Variants in IPO11 observed in about 807,000 individuals in gnomAD.
IPO11 encodes importin 11, also known as importin-11.
Under a neutral mutation model 143.2 loss-of-function variants are expected in IPO11, and 66 were observed. That is an observed-to-expected ratio of 0.46 (90% CI 0.38 to 0.57). The LOEUF (loss-of-function observed/expected upper bound fraction) is 0.57, where lower values mean the gene tolerates loss of function less well. IPO11 is among the 20% of genes least tolerant of loss of function. The pLI is 0.00. For synonymous variants in IPO11, 385 were observed against 377.8 expected (o/e 1.02, Z -0.22); for missense variants, 1,026 against 1,141.0 (o/e 0.90, Z 1.45).
chr5:62,494,019 G>A lies in IPO11; in HGVS notation c.1485G>A (p.Arg495=). The A allele has an allele frequency of 3.7e-6, 6 of 1,612,222 alleles. No individual in the cohort carries two copies. The highest frequency in any genetic ancestry group is 5.1e-6 in the Non-Finnish European group (6 of 1,179,020). ...IHNRYKPLRR[R]VIWLIGQWIS... ...TTAGGTATAAGCCATTGCGACGCAG[G>A]GTGATTTGGCTCATCGGTCAGTGGA... The change falls in exon 16 of 30, where the codon AGG becomes AGA. Residue 495 remains arginine (R), a synonymous_variant. Coordinates refer to ENST00000325324, the MANE Select transcript of IPO11 (RefSeq NM_016338.5).
In IPO11 at chr5:62,601,931, G is replaced by A. The variant is rs181613872; in HGVS notation, c.2763+83G>A. 2.4e-5 allele frequency: 19 copies of A among 794,982 alleles called. No homozygotes were observed. The East Asian group carries it at 5.0e-4, about 21-fold the overall frequency. The allele number at this position is 794,982 out of a possible 1,614,324, so 49.2% of individuals were successfully genotyped here. On this transcript the variant is annotated intron_variant, in intron 29 of 29. Coordinates refer to ENST00000325324, the MANE Select transcript of IPO11 (RefSeq NM_016338.5). ...GTTCAGAAATATCTATGGTCTATTTGTCCATCCAGCTATATGTCTATCCAT... is the reference window on the plus strand; with the variant it reads ...GTTCAGAAATATCTATGGTCTATTTATCCATCCAGCTATATGTCTATCCAT...
chr5:62,515,797 C>G (rs1366178749), intron 20 of IPO11, among the ~76,000 whole-genome samples: 1 of 151,950 alleles, frequency 6.6e-6, no homozygotes, highest in Non-Finnish European at 1.5e-5. Flanking sequence ...CCTTGGTGGT[C>G]GGGGCTTTTC....
chr5:62,459,498 T>C (rs1745282932), intron 5 of IPO11, among the ~76,000 whole-genome samples: 1 of 152,086 alleles, frequency 6.6e-6, no homozygotes, highest in South Asian at 2.1e-4. Flanking sequence ...CTTGATACAT[T>C]TTGGTAATTT....
chr5:62,474,546 A>C, intron 8 of IPO11, 82 bp downstream of exon 8: 1 of 958,008 alleles, frequency 1.0e-6, no homozygotes, highest in Non-Finnish European at 1.6e-6. Context: ...GCTAGGATTA[A>C]TGAGGGATTA....
chr5:62,422,207 A>G (rs1441932967), intron 1 of IPO11, among the ~76,000 whole-genome samples: 5 of 151,996 alleles, frequency 3.3e-5, no homozygotes, highest in South Asian at 2.1e-4. Context: ...GCTCACTGCA[A>G]CCTCCACCTC....
In IPO11 at chr5:62,414,240, G is replaced by A. The variant is rs923166234; in HGVS notation, c.-7+1311G>A. 2.0e-5 allele frequency among the ~76,000 whole-genome samples: 3 copies of A among 152,224 alleles called. No individual in the cohort carries two copies. The East Asian group carries it at 5.8e-4, about 29-fold the overall frequency. ...TATATTTGCATTTGGAATCAAACCA[G>A]AATGCAGCATGATCCTTGTAGGCAT... On this transcript the variant is annotated intron_variant, in intron 1 of 29. Coordinates refer to ENST00000325324, the MANE Select transcript of IPO11 (RefSeq NM_016338.5).
At chr5:62,579,452 A>G in intron 27 of IPO11, 3 of 1,550,816 alleles carry the variant, frequency 1.9e-6, no homozygotes, top group Non-Finnish European at 2.6e-6. Context: ...TGTGGATTAC[A>G]GTTTTCTCTG....
In IPO11 at chr5:62,422,260, G is replaced by A. The variant is rs148535030; in HGVS notation, c.-7+9331G>A. Among the ~76,000 whole-genome samples, 671 of 152,182 alleles carry A rather than the reference G, an allele frequency of 4.4e-3. 7 individuals carry two copies. The highest frequency in any genetic ancestry group is 0.016 in the African/African-American group (648 of 41,522). ...TCCTGCCTCAGCCTCCCTAGTAGCT[G>A]GGATTATAGGTGCCCACCACCATGC... is the stretch of plus-strand genomic sequence containing the variant. On this transcript the variant is annotated intron_variant, in intron 1 of 29. Coordinates refer to ENST00000325324, the MANE Select transcript of IPO11 (RefSeq NM_016338.5).
intron 27 of IPO11, among the ~76,000 whole-genome samples, chr5:62,561,509 T>C (rs897740489): frequency 1.3e-5 from 2 of 152,062 alleles, no homozygotes; most frequent in African/African-American, 4.8e-5. Flanking sequence ...ATTTCATTCT[T>C]GTCTGAATTT....
rs755386387 is a variant in IPO11, at chr5:62,451,915, T to C, written c.498T>C (p.Asp166=). The C allele has an allele frequency of 2.7e-5, 43 of 1,612,848 alleles. 1 individual carries two copies. The South Asian group carries it at 4.3e-4, about 16-fold the overall frequency. Reference sequence around the variant, plus strand: ...TGGCATCTAAACGACTTGCTGCTGATAGAAAACTATTTTATGATGTAAGTG... The same window carrying C: ...TGGCATCTAAACGACTTGCTGCTGACAGAAAACTATTTTATGATGTAAGTG... ...KTLASKRLAA[D]RKLFYDLASG... is the part of the protein sequence containing the mutation. Residue 166 remains aspartate, a synonymous_variant, in exon 5 of 30, where the codon GAT becomes GAC. Coordinates refer to ENST00000325324, the MANE Select transcript of IPO11 (RefSeq NM_016338.5).
intron 27 of IPO11, among the ~76,000 whole-genome samples, chr5:62,589,276 C>A (rs1012573859): frequency 3.0e-4 from 46 of 152,154 alleles, no homozygotes; most frequent in African/African-American, 1.0e-3. Context: ...AATTGTCACT[C>A]CCCTTCCTCA....
At chr5:62,474,731 A>G (rs1447291432) in intron 8 of IPO11, among the ~76,000 whole-genome samples, 3 of 152,212 alleles carry the variant, frequency 2.0e-5, no homozygotes, top group Admixed American at 6.5e-5. Flanking sequence ...CCTCATATAC[A>G]GAAGTCCCTC....
chr5:62,429,844 C>T (rs1260549784), intron 1 of IPO11, among the ~76,000 whole-genome samples: 3 of 151,800 alleles, frequency 2.0e-5, no homozygotes, highest in Non-Finnish European at 2.9e-5. Flanking sequence ...AGGCTGGTCT[C>T]GATCTCCTGA....
Position 62,548,127 on chromosome 5 carries a change from A to G in IPO11, c.2251-2240A>G, listed in dbSNP as rs370475641. 1.9e-4 allele frequency among the ~76,000 whole-genome samples: 29 copies of G among 151,740 alleles called. 1 individual carries two copies. The East Asian group carries it at 3.7e-3, about 19-fold the overall frequency. On this transcript the variant is annotated intron_variant, in intron 24 of 29. Transcript: ENST00000325324. ...TTCATCCTCCAAGTAATCAAAATTC[A>G]GTGTTTACGTCATGATTCCTCTATT...
At chr5:62,543,183 G>A (rs1052334225) in intron 24 of IPO11, among the ~76,000 whole-genome samples, 7 of 152,154 alleles carry the variant, frequency 4.6e-5, no homozygotes, top group African/African-American at 1.7e-4. Context: ...TGTATGCAGT[G>A]TAGGCCTAAG....
At chr5:62,497,420 T>C (rs1357218429) in intron 16 of IPO11, among the ~76,000 whole-genome samples, 1 of 152,216 alleles carries the variant, frequency 6.6e-6, no homozygotes, top group Non-Finnish European at 1.5e-5. Flanking sequence ...CTTTCCAGTC[T>C]CATTCTATTG....
Position 62,536,787 on chromosome 5 carries a change from T to A in IPO11, c.2169+6T>A, listed in dbSNP as rs992997463. 3 of 1,538,956 alleles carry A rather than the reference T, an allele frequency of 1.9e-6. No homozygotes were observed. The highest frequency in any genetic ancestry group is 1.7e-6 in the Non-Finnish European group (2 of 1,151,378). On this transcript the variant is annotated splice_donor_region_variant and intron_variant, in intron 23 of 29. Transcript: ENST00000325324. The stretch of plus-strand genomic sequence containing the variant: ...CATCAACAGAATTTTTACAGGTATG[T>A]TGGAGTACTTTTGCATTATATGAAA...
chr5:62,538,318 G>T (rs535736392), intron 24 of IPO11, among the ~76,000 whole-genome samples: 1 of 152,274 alleles, frequency 6.6e-6, no homozygotes, highest in South Asian at 2.1e-4. Flanking sequence ...AGATAATGAA[G>T]TCTTACTTCA....
chr5:62,489,278 C>T (rs937031322), intron 13 of IPO11, 24 bp from the exon 14 acceptor site: 8 of 1,347,966 alleles, frequency 5.9e-6, no homozygotes, highest in Admixed American at 2.5e-5. Flanking sequence ...TTTACTGATA[C>T]CTATTTATAT....
Sources: gnomAD v4.1 joint callset for allele counts (sites outside exome capture counted in the v4.1 genomes callset) on GRCh38, gnomAD v4.1.1 for gene constraint, MANE v1.5 for transcripts, NCBI Gene and HGNC (gene_info 2026-07-23, HGNC 2026-07-21) for gene names.